The following EPB41L4B variants were observed in gnomAD, a reference collection of about 807,000 sequenced individuals.
The protein encoded by EPB41L4B is band 4.1-like protein 4B.
EPB41L4B carries 30 observed loss-of-function variants against 112.5 expected under a neutral mutation model. That is an observed-to-expected ratio of 0.27 (90% confidence interval 0.20 to 0.36). The LOEUF is 0.36. Ranked by LOEUF, EPB41L4B falls within the 10% of genes least tolerant of loss-of-function variation. The pLI, the probability that EPB41L4B is intolerant of heterozygous loss-of-function variation, is 1.00. For missense variants in EPB41L4B, 1,024 were observed against 1,133.3 expected (o/e 0.90, Z 1.38); for synonymous variants, 408 against 439.7 (o/e 0.93, Z 0.90).
intron 1 of EPB41L4B, chr9:109,307,245 G>A (rs1173435929): frequency 4.1e-6 from 2 of 493,402 alleles, no homozygotes; most frequent in Non-Finnish European, 8.0e-6. Flanking sequence ...TTTTCCAGGA[G>A]CGTCTTTAAT....
chr9:109,213,903 A>T (rs1462883817), intron 16 of EPB41L4B, 85 bp from the exon 17 acceptor site: 1 of 1,218,122 alleles, frequency 8.2e-7, no homozygotes, highest in Admixed American at 1.7e-5. Flanking sequence ...CCAGCGCCCG[A>T]TTCCCAGCAC....
At chr9:109,203,063 A>T (rs141622011) in intron 19 of EPB41L4B, among the ~76,000 whole-genome samples, 1,833 of 152,320 alleles carry the variant, frequency 0.012, 47 homozygotes, top group African/African-American at 0.041. Context: ...CTGAGGCACA[A>T]GAATTGCTTG....
chr9:109,253,307 G>T (rs1834862376), intron 12 of EPB41L4B, 134 bp downstream of exon 12: 1 of 650,474 alleles, frequency 1.5e-6, no homozygotes. Context: ...AACACCACTG[G>T]GATTATTTTT....
chr9:109,274,225 A>G (rs1232692265), intron 2 of EPB41L4B, among the ~76,000 whole-genome samples: 1 of 152,186 alleles, frequency 6.6e-6, no homozygotes, highest in Non-Finnish European at 1.5e-5. Flanking sequence ...AAAGCAGCTT[A>G]GGGAAGGACT....
intron 1 of EPB41L4B, among the ~76,000 whole-genome samples, chr9:109,310,462 T>C (rs1482155023): frequency 1.3e-5 from 2 of 152,220 alleles, no homozygotes; most frequent in African/African-American, 4.8e-5. Flanking sequence ...GTGTTATTTC[T>C]CTAAAACTAT....
intron 1 of EPB41L4B, among the ~76,000 whole-genome samples, chr9:109,288,247 C>A (rs1836374648): frequency 6.6e-6 from 1 of 152,216 alleles, no homozygotes; most frequent in Non-Finnish European, 1.5e-5. Context: ...ACTGAATCTA[C>A]TGGCTCTGTG....
intron 1 of EPB41L4B, among the ~76,000 whole-genome samples, chr9:109,311,101 C>G (rs1334786481): frequency 6.6e-6 from 1 of 152,098 alleles, no homozygotes; most frequent in Non-Finnish European, 1.5e-5. Context: ...TGAAAAACGT[C>G]TGGAGACCAA....
rs902395155 is a variant in EPB41L4B at position 109,230,402 on chromosome 9, C to T, written c.1409+13216G>A. Among the ~76,000 whole-genome samples, 9 of 152,156 alleles carry T rather than the reference C, an allele frequency of 5.9e-5. No homozygotes were observed. The South Asian group carries it at 1.0e-3, about 17-fold the overall frequency. ...GCTTGGCTTTGCTGCTGTTTGCCTA[C>T]GTGACCTTAGGTAACTCACTTATCT... On this transcript the variant is annotated intron_variant, in intron 15 of 25. Coordinates refer to ENST00000374566, the MANE Select transcript of EPB41L4B (RefSeq NM_019114.5).
In EPB41L4B at chr9:109,280,263, C is replaced by T. The variant is rs547113837; in HGVS notation, c.307-342G>A. Among the ~76,000 whole-genome samples, 3 of 152,304 alleles carry T rather than the reference C, an allele frequency of 2.0e-5. No individual in the cohort carries two copies. The South Asian group carries it at 6.2e-4, about 32-fold the overall frequency. On this transcript the variant is annotated intron_variant, in intron 1 of 25. Transcript: ENST00000374566. ...AGGGTGTAACAGGGCCTTACTCTAG[C>T]GTAGCAAAAGCTGGGCTGTTTCTCA... is the stretch of plus-strand genomic sequence containing the variant.
intron 20 of EPB41L4B, among the ~76,000 whole-genome samples, chr9:109,198,803 G>A (rs966690990): frequency 1.3e-5 from 2 of 151,970 alleles, no homozygotes; most frequent in African/African-American, 4.8e-5. Flanking sequence ...CCAACTACTT[G>A]GGAGGCTGAG....
chr9:109,219,423 C>T (rs1370474641), intron 15 of EPB41L4B, among the ~76,000 whole-genome samples: 3 of 152,118 alleles, frequency 2.0e-5, no homozygotes, highest in South Asian at 2.1e-4. Context: ...TGCAGTGGCG[C>T]GATCTCAGCT....
chr9:109,201,992 G>A (rs7850688), intron 19 of EPB41L4B, among the ~76,000 whole-genome samples: 2,100 of 152,250 alleles, frequency 0.014, 53 homozygotes, highest in African/African-American at 0.048. Context: ...CAGTAGGCCC[G>A]GAAGACAATG....
Position 109,213,799 on chromosome 9 carries a change from A to G in EPB41L4B, c.1653T>C (p.Pro551=), listed in dbSNP as rs1375229741. The G allele has an allele frequency of 6.2e-6, 10 of 1,614,166 alleles. No homozygotes were observed. Among genetic ancestry groups the G allele is most frequent in the South Asian group, 1.1e-5 (1 of 91,084 alleles). ...KSLTKLSPGT[P]ALFSEAAAHL... The stretch of plus-strand genomic sequence containing the variant: ...GGGCAGCGGCTTCACTGAACAAGGC[A>G]GGTGTTCCTGGACTCAGTTCTACAA... The change falls in exon 17 of 26, where the codon CCT becomes CCC. Residue 551 remains proline (P), a synonymous_variant. Transcript: ENST00000374566.
At chr9:109,286,051 G>T (rs1406383817) in intron 1 of EPB41L4B, among the ~76,000 whole-genome samples, 1 of 151,994 alleles carries the variant, frequency 6.6e-6, no homozygotes, top group African/African-American at 2.4e-5. Context: ...GTGTTCATCT[G>T]AGTACCCACA....
chr9:109,239,031 C>T (rs1200328389), intron 15 of EPB41L4B, among the ~76,000 whole-genome samples: 1 of 152,176 alleles, frequency 6.6e-6, no homozygotes, highest in African/African-American at 2.4e-5. Context: ...ACTGCAATGG[C>T]ACAGGCCGAC....
At chr9:109,270,934 T>C (rs1423513590) in intron 2 of EPB41L4B, among the ~76,000 whole-genome samples, 1 of 152,234 alleles carries the variant, frequency 6.6e-6, no homozygotes, top group Non-Finnish European at 1.5e-5. Context: ...TCAGTTTTCA[T>C]AAATGCTTCC....
intron 2 of EPB41L4B, among the ~76,000 whole-genome samples, chr9:109,277,352 G>A (rs993864247): frequency 1.3e-5 from 2 of 151,948 alleles, no homozygotes; most frequent in Non-Finnish European, 2.9e-5. Flanking sequence ...GACAGAATCG[G>A]AAGTGTAGGG....
chr9:109,181,825 C>T (rs559946299), intron 24 of EPB41L4B, among the ~76,000 whole-genome samples: 98 of 152,250 alleles, frequency 6.4e-4, no homozygotes, highest in African/African-American at 2.2e-3. Context: ...TTCACAATAG[C>T]CAAAAGGTGA....
intron 1 of EPB41L4B, among the ~76,000 whole-genome samples, chr9:109,305,200 G>A (rs1328228150): frequency 3.3e-5 from 5 of 151,364 alleles, no homozygotes; most frequent in African/African-American, 1.2e-4. Context: ...GAAGAAGCGC[G>A]GGAAGGTGGG....
Sources: gnomAD v4.1 joint callset for allele counts (sites outside exome capture counted in the v4.1 genomes callset) on GRCh38, gnomAD v4.1.1 for gene constraint, MANE v1.5 for transcripts, NCBI Gene and HGNC (gene_info 2026-07-23, HGNC 2026-07-21) for gene names.